The following PAWR variants were observed in gnomAD, a reference collection of about 807,000 sequenced individuals.
The protein encoded by PAWR is PRKC apoptosis WT1 regulator protein.
Under a neutral mutation model 32.0 loss-of-function variants are expected in PAWR, and 23 were observed. The observed-to-expected ratio is 0.72, with a 90% CI of 0.52 to 1.02. The LOEUF (loss-of-function observed/expected upper bound fraction) is 1.02. PAWR is among the 50% of genes least tolerant of loss of function. The pLI, the probability that PAWR is intolerant of heterozygous loss-of-function variation, is 0.00. For missense variants in PAWR, 457 were observed against 437.7 expected (o/e 1.04, Z -0.39); for synonymous variants, 226 against 187.1 (o/e 1.21, Z -1.70).
At chr12:79,645,792 T>C (rs1248931357) in intron 2 of PAWR, among the ~76,000 whole-genome samples, 1 of 152,306 alleles carries the variant, frequency 6.6e-6, no homozygotes, top group East Asian at 1.9e-4. Context: ...CTCCTAACTA[T>C]AGTGTTTCAT....
Position 79,586,633 on chromosome 12 carries a change from A to G in PAWR, c.*5974T>C, listed in dbSNP as rs1163425156. 1.3e-5 allele frequency: 2 copies of G among 152,132 alleles called. No individual in the cohort carries two copies. The highest frequency in any genetic ancestry group is 2.9e-5 in the Non-Finnish European group (2 of 68,020). The allele number at this position is 152,132 out of a possible 1,614,324, so 9.4% of individuals were successfully genotyped here. On this transcript the variant is annotated 3_prime_UTR_variant, in exon 7 of 7. Transcript: ENST00000328827. The stretch of plus-strand genomic sequence containing the variant: ...AACATGAATAACATACACAGCAGTC[A>G]AAACTTACTGTTTTTCATATGTGTA...
At chr12:79,632,522 C>T (rs1190983926) in intron 2 of PAWR, among the ~76,000 whole-genome samples, 1 of 150,172 alleles carries the variant, frequency 6.7e-6, no homozygotes, top group Non-Finnish European at 1.5e-5. Context: ...CCATGTCTGG[C>T]TAATTCTTGT....
chr12:79,606,824 C>T (rs1182190932), intron 4 of PAWR, among the ~76,000 whole-genome samples: 10 of 152,048 alleles, frequency 6.6e-5, no homozygotes. Flanking sequence ...CTTCACTGTG[C>T]CTCAGTTTAC....
intron 2 of PAWR, among the ~76,000 whole-genome samples, chr12:79,645,990 T>A (rs944375754): frequency 2.0e-5 from 3 of 152,204 alleles, no homozygotes; most frequent in African/African-American, 7.2e-5. Flanking sequence ...CTTCAACCAT[T>A]TTTAAAAGAA....
intron 2 of PAWR, among the ~76,000 whole-genome samples, chr12:79,681,050 GTC>G (rs1010965647): frequency 6.7e-6 from 1 of 148,342 alleles, no homozygotes; most frequent in Non-Finnish European, 1.5e-5. Context: ...AGGAGGTTGA[GTC>G]TGCAGTGAGC....
rs562955016 is a variant in PAWR, at chr12:79,592,817, A to C, written c.937-124T>G. On this transcript the variant is annotated intron_variant, in intron 6 of 6. Transcript: ENST00000328827. ...ATTTTGAAATGAGGGCAAGCTCTGA[A>C]AACAACTTTAGATGTAATATGCCCC... 2.8e-5 allele frequency: 15 copies of C among 544,558 alleles called. No homozygotes were observed. The South Asian group carries it at 3.9e-4, about 14-fold the overall frequency. 33.7% of individuals were successfully genotyped at this position (544,558 alleles called of 1,614,324 possible).
chr12:79,627,833 A>G (rs1453741775), intron 2 of PAWR, among the ~76,000 whole-genome samples: 1 of 152,146 alleles, frequency 6.6e-6, no homozygotes, highest in Non-Finnish European at 1.5e-5. Context: ...CTACAAAGAG[A>G]CTTAGACTCC....
chr12:79,665,996 T>C (rs778497274), intron 2 of PAWR, among the ~76,000 whole-genome samples: 6 of 152,174 alleles, frequency 3.9e-5, no homozygotes, highest in Admixed American at 2.0e-4. Flanking sequence ...TCAGATAACT[T>C]GAAAGCTTCC....
At chr12:79,625,530 GT>G (rs1875248159) in intron 2 of PAWR, among the ~76,000 whole-genome samples, 1 of 152,068 alleles carries the variant, frequency 6.6e-6, no homozygotes, top group Admixed American at 6.6e-5. Flanking sequence ...AATTTAAAAA[GT>G]AACAGAGGGG....
In PAWR at chr12:79,674,604, A is replaced by G. The variant is rs536734347; in HGVS notation, c.516+15125T>C. ...TTCTGCACAGCAAAATAAACTATCA[A>G]CAGAGTAAAAAGACAATCTACAGAA... On this transcript the variant is annotated intron_variant, in intron 2 of 6. Coordinates refer to ENST00000328827, the MANE Select transcript of PAWR (RefSeq NM_002583.4). 1.1e-4 allele frequency among the ~76,000 whole-genome samples: 17 copies of G among 152,240 alleles called. No individual in the cohort carries two copies. In the South Asian group the frequency reaches 3.5e-3, roughly 32 times the overall value.
chr12:79,683,794 T>C (rs1878555472), intron 2 of PAWR, among the ~76,000 whole-genome samples: 4 of 152,160 alleles, frequency 2.6e-5, no homozygotes, highest in Admixed American at 2.6e-4. Flanking sequence ...GCAAAAACTG[T>C]GATTACTTTT....
rs190433971 is a variant in PAWR at position 79,613,529 on chromosome 12, C to A, written c.683+46G>T. 653 of 1,021,824 alleles carry A rather than the reference C, an allele frequency of 6.4e-4. 1 individual carries two copies. Among genetic ancestry groups the A allele is most frequent in the Non-Finnish European group, 8.2e-4 (542 of 660,960 alleles). 63.3% of individuals were successfully genotyped at this position (1,021,824 alleles called of 1,614,324 possible). A position where few individuals can be genotyped will look rare whatever the true frequency, so the allele number is the denominator to read the frequency against. On this transcript the variant is annotated intron_variant, in intron 4 of 6. Coordinates refer to ENST00000328827, the MANE Select transcript of PAWR (RefSeq NM_002583.4). Reference sequence around the variant, plus strand: ...TCTAGTTAAGTCAATGTCAGACAGACATTACATTCATGTCTACAATATGTT... The same window carrying A: ...TCTAGTTAAGTCAATGTCAGACAGAAATTACATTCATGTCTACAATATGTT...
chr12:79,683,854 GGTA>G (rs1878558044), intron 2 of PAWR, among the ~76,000 whole-genome samples: 1 of 152,022 alleles, frequency 6.6e-6, no homozygotes, highest in African/African-American at 2.4e-5. Flanking sequence ...GCAAACAAAT[GGTA>G]GTAGGTGCCC....
intron 2 of PAWR, among the ~76,000 whole-genome samples, chr12:79,683,980 T>C (rs1399723043): frequency 6.6e-6 from 1 of 152,112 alleles, no homozygotes; most frequent in Non-Finnish European, 1.5e-5. Context: ...ATAATTTGAA[T>C]ACCATATCAC....
At chr12:79,626,289 T>G (rs940280765) in intron 2 of PAWR, among the ~76,000 whole-genome samples, 30 of 150,430 alleles carry the variant, frequency 2.0e-4, no homozygotes, top group African/African-American at 7.3e-4. Flanking sequence ...AGATGGGGTC[T>G]TGCTGTGTCG....
At chr12:79,622,855 A>T (rs1244183592) in intron 2 of PAWR, among the ~76,000 whole-genome samples, 2 of 152,188 alleles carry the variant, frequency 1.3e-5, no homozygotes, top group Non-Finnish European at 2.9e-5. Context: ...CAGCATACAC[A>T]AGCTAACGTG....
chr12:79,658,767 G>A (rs186090023), intron 2 of PAWR, among the ~76,000 whole-genome samples: 421 of 151,888 alleles, frequency 2.8e-3, no homozygotes, highest in Non-Finnish European at 4.3e-3. Flanking sequence ...AAATTCAAGC[G>A]ATTCTCCTGC....
chr12:79,626,163 T>TAAAAAAAAAA (rs565157190), intron 2 of PAWR, among the ~76,000 whole-genome samples: 6 of 82,108 alleles, frequency 7.3e-5, no homozygotes, highest in African/African-American at 2.1e-4. Flanking sequence ...GACTCCATCT[T>TAAAAAAAAAA]AAAAAAAAAA....
In PAWR at chr12:79,613,599, C is replaced by G. The variant is rs753928911; in HGVS notation, c.659G>C (p.Arg220Thr). The G allele has an allele frequency of 1.4e-5, 21 of 1,544,264 alleles. No homozygotes were observed. In the East Asian group the frequency reaches 4.3e-4, roughly 32 times the overall value. Residue 220 changes from arginine (R) to threonine (T), a missense_variant, in exon 4 of 7, where the codon AGA becomes ACA. Physicochemically the swap from Arg to Thr is moderately conservative, Grantham distance 71. Coordinates refer to ENST00000328827, the MANE Select transcript of PAWR (RefSeq NM_002583.4). Reference protein sequence around the residue: ...GSSYLLQEPPRTVSGRYKSTT... With the variant: ...GSSYLLQEPPTTVSGRYKSTT... ...CCTTTTATATCTGCCTGAAACTGTT[C>G]TAGGTGGCTCCTGCAAAGTAAAAAT...
Sources: allele counts gnomAD v4.1 joint callset (sites outside exome capture counted in the v4.1 genomes callset), GRCh38; gene constraint gnomAD v4.1.1; transcripts MANE v1.5; gene names NCBI Gene and HGNC (gene_info 2026-07-23, HGNC 2026-07-21).